RP1: variants seen among roughly 807,000 people sequenced by gnomAD.
RP1 encodes oxygen-regulated protein 1.
Under a neutral mutation model 14.8 loss-of-function variants are expected in RP1, and 16 were observed. The ratio of observed to expected loss-of-function variants is 1.08; its 90% CI spans 0.73 to 1.65. The LOEUF is 1.65. Among genes scored for constraint, RP1 ranks in the 40% most tolerant of loss-of-function variants. RP1 has a pLI of 0.00. For missense variants in RP1, 2,631 were observed against 2,535.0 expected, an observed-to-expected ratio of 1.04 and a Z score of -0.81; for synonymous variants, 876 against 883.6, an observed-to-expected ratio of 0.99 and a Z score of 0.15.
chr8:54,760,295 C>T (rs1012273991), intron 22 of RP1, among the ~76,000 whole-genome samples: 1 of 152,210 alleles, frequency 6.6e-6, no homozygotes, highest in African/African-American at 2.4e-5. Context: ...AAGACTAGCT[C>T]ATCGCAGTCG....
At position 54,625,291 on chromosome 8, in the gene RP1, T is replaced by C. The variant is rs967778254; in HGVS notation, c.1409T>C (p.Val470Ala). The part of the protein sequence containing the change: ...KKSVIGSVTL[V>A]SETEVQEKMI... ...TCTGTGATTGGCAGTGTGACCTTAG[T>C]ATCTGAAACTGAGGTTCAAGAGAAA... The change falls in exon 4 of 4, where the codon GTA (valine) becomes GCA (alanine). Residue 470 changes from valine (V) to alanine (A), a missense_variant. By Grantham distance (64) the Val-to-Ala change is moderately conservative. Transcript: ENST00000220676. 3 of 1,614,200 alleles carry C rather than the reference T, an allele frequency of 1.9e-6. No individual in the cohort carries two copies. Among genetic ancestry groups the C allele is most frequent in the Non-Finnish European group, 2.5e-6 (3 of 1,180,030 alleles).
intron 26 of RP1, chr8:54,852,836 T>G (rs2129408573): frequency 1.2e-6 from 1 of 803,428 alleles, no homozygotes; most frequent in Admixed American, 4.3e-5. Flanking sequence ...TTGATTCCTG[T>G]GAGGAATTCA....
chr8:54,644,494 T>A (rs1463811778), intron 3 of RP1, among the ~76,000 whole-genome samples: 1 of 152,132 alleles, frequency 6.6e-6, no homozygotes, highest in Non-Finnish European at 1.5e-5. Flanking sequence ...GACACAAGGG[T>A]TCTTCTCCAC....
chr8:54,574,970 A>G (rs932285443), intron 1 of RP1, among the ~76,000 whole-genome samples: 4 of 152,164 alleles, frequency 2.6e-5, no homozygotes, highest in Admixed American at 1.3e-4. Flanking sequence ...CTTTGGGGAT[A>G]TTTCTATATT....
chr8:54,753,231 T>G (rs371140349), intron 19 of RP1, among the ~76,000 whole-genome samples: 4 of 152,198 alleles, frequency 2.6e-5, no homozygotes, highest in South Asian at 4.1e-4. Flanking sequence ...TGGTCAGGCG[T>G]GCTGAGTTAG....
At chr8:54,746,081 G>C (rs186047344) in intron 19 of RP1, among the ~76,000 whole-genome samples, 1 of 152,162 alleles carries the variant, frequency 6.6e-6, no homozygotes, top group Non-Finnish European at 1.5e-5. Context: ...GTCATTATTA[G>C]GATCATTCTC....
chr8:54,850,911 T>G (rs1323823923), intron 25 of RP1, among the ~76,000 whole-genome samples: 1 of 152,224 alleles, frequency 6.6e-6, no homozygotes, highest in African/African-American at 2.4e-5. Context: ...TGTGTATTGT[T>G]CATCTCCCAA....
intron 12 of RP1, chr8:54,680,060 A>G: frequency 8.4e-7 from 1 of 1,189,258 alleles, no homozygotes; most frequent in Non-Finnish European, 1.1e-6. Context: ...GTGTTAGGCC[A>G]TTTAAATAAT....
rs1185162248 is a variant in RP1 at position 54,814,811 on chromosome 8, A to C, written c.3616-22639A>C. Among the ~76,000 whole-genome samples, 12 of 152,230 alleles carry C rather than the reference A, an allele frequency of 7.9e-5. No individual in the cohort carries two copies. In the East Asian group the frequency reaches 2.1e-3, roughly 27 times the overall value. On this transcript the variant is annotated intron_variant, in intron 24 of 28. Transcript: ENST00000637698. ...TTAAAAAGAGTGCAAATTTTGCCTA[A>C]AAAATAAAAAAAGCTCCAGTATGTC...
chr8:54,721,222 T>G (rs979070411), intron 16 of RP1, among the ~76,000 whole-genome samples: 2 of 152,236 alleles, frequency 1.3e-5, no homozygotes, highest in South Asian at 4.1e-4. Context: ...TTGCAAACTG[T>G]TGGGCTAGTA....
intron 7 of RP1, chr8:54,663,861 T>A (rs1806952436): frequency 6.6e-7 from 1 of 1,511,682 alleles, no homozygotes; most frequent in African/African-American, 1.4e-5. Flanking sequence ...GTAAGCAAAA[T>A]GCCCTTTGAT....
chr8:54,670,530 T>C (rs1339819891), intron 7 of RP1, among the ~76,000 whole-genome samples: 1 of 130,764 alleles, frequency 7.6e-6, no homozygotes, highest in Non-Finnish European at 1.6e-5. Context: ...TGTGTATATA[T>C]ATACATATAT....
At chr8:54,636,983 C>T (rs1014692553) in intron 3 of RP1, among the ~76,000 whole-genome samples, 1 of 152,188 alleles carries the variant, frequency 6.6e-6, no homozygotes, top group African/African-American at 2.4e-5. Context: ...CTTACTTTCT[C>T]CCTGTTCACC....
chr8:54,800,161 A>T (rs1810670335), intron 24 of RP1, among the ~76,000 whole-genome samples: 1 of 152,090 alleles, frequency 6.6e-6, no homozygotes, highest in South Asian at 2.1e-4. Context: ...GAAGAAGTCA[A>T]TTTATTGTCT....
At chr8:54,645,842 GT>G (rs1031370749) in intron 3 of RP1, among the ~76,000 whole-genome samples, 2 of 151,674 alleles carry the variant, frequency 1.3e-5, no homozygotes, top group Admixed American at 6.6e-5. Flanking sequence ...TAAATTTATT[GT>G]TTTTTTTAGA....
At chr8:54,802,947 G>A (rs1810749391) in intron 24 of RP1, among the ~76,000 whole-genome samples, 1 of 152,054 alleles carries the variant, frequency 6.6e-6, no homozygotes, top group Non-Finnish European at 1.5e-5. Context: ...TTCTATAGAA[G>A]CAAGGTAGCT....
rs1425493055 is a variant in RP1, at chr8:54,625,560, A to T, written c.1678A>T (p.Met560Leu). ...AATTACAAGTCAGAAGATGTTAGAG[A>T]TGTCACATAATAATGGTTTGCCATC... ...IEITSQKMLE[M>L]SHNNGLPSTI... The change falls in exon 4 of 4, where the codon ATG (methionine) becomes TTG (leucine). Residue 560 changes from methionine to leucine, a missense_variant. Transcript: ENST00000220676. The T allele has an allele frequency of 1.2e-6, 2 of 1,613,994 alleles. No individual in the cohort carries two copies. Among genetic ancestry groups the T allele is most frequent in the Admixed American group, 3.3e-5 (2 of 60,006 alleles).
chr8:54,816,840 A>C (rs1811143761), intron 24 of RP1, among the ~76,000 whole-genome samples: 1 of 152,106 alleles, frequency 6.6e-6, no homozygotes. Flanking sequence ...CCCAGGTCCC[A>C]ACAGCCCAGG....
At chr8:54,612,033 G>A (rs1253226633), upstream of RP1, among the ~76,000 whole-genome samples, 4 of 151,906 alleles carry the variant, frequency 2.6e-5, no homozygotes, top group African/African-American at 7.3e-5. Context: ...TTTTCCCTGA[G>A]CATATGAGAT....
Sources: allele counts gnomAD v4.1 joint callset (sites outside exome capture counted in the v4.1 genomes callset), GRCh38; gene constraint gnomAD v4.1.1; transcripts MANE v1.5; gene names NCBI Gene and HGNC (gene_info 2026-07-23, HGNC 2026-07-21).